MLLT1: variants seen among roughly 807,000 people sequenced by gnomAD.
MLLT1 encodes MLLT1 super elongation complex subunit.
A neutral mutation model predicts 55.1 loss-of-function variants in MLLT1; 11 were observed. That is an observed-to-expected ratio of 0.20 (90% CI 0.13 to 0.33). The LOEUF is 0.33. Ranked by LOEUF, MLLT1 falls within the 10% of genes least tolerant of loss-of-function variation. MLLT1 has a pLI of 1.00. For missense variants in MLLT1, 536 were observed against 760.6 expected (o/e 0.70, Z 3.47); for synonymous variants, 323 against 320.1 (o/e 1.01, Z -0.10).
At chr19:6,251,769 CAAA>C (rs11307954) in intron 3 of MLLT1, among the ~76,000 whole-genome samples, 9 of 141,944 alleles carry the variant, frequency 6.3e-5, no homozygotes, top group African/African-American at 2.6e-5. Flanking sequence ...TACCTCCCAC[CAAA>C]AAAAAAAAAA....
At chr19:6,245,698 G>A (rs903225027) in intron 3 of MLLT1, among the ~76,000 whole-genome samples, 2 of 151,490 alleles carry the variant, frequency 1.3e-5, no homozygotes, top group African/African-American at 2.4e-5. Context: ...GCGACAGAGC[G>A]AGACTCCGTC....
rs941739122 is a variant in MLLT1, at chr19:6,273,079, G to T, written c.13-2320C>A. Among the ~76,000 whole-genome samples, 1 of 152,184 alleles carries T rather than the reference G, an allele frequency of 6.6e-6. No homozygotes were observed. Among genetic ancestry groups the T allele is most frequent in the Non-Finnish European group, 1.5e-5 (1 of 68,030 alleles). ...GGACTCCCTAGGGACCAGGCACACT[G>T]CAGGGGGTGCCTGGGATCAGGCCGG... is the stretch of plus-strand genomic sequence containing the variant. On this transcript the variant is annotated intron_variant, in intron 1 of 11. Transcript: ENST00000252674. The surrounding 1 kb of genome is among the most constrained non-coding windows in gnomAD (Gnocchi z 4.3).
Position 6,248,473 on chromosome 19 carries a change from C to A in MLLT1, c.276+13755G>T, listed in dbSNP as rs536857691. On this transcript the variant is annotated intron_variant, in intron 3 of 11. Coordinates refer to ENST00000252674, the MANE Select transcript of MLLT1 (RefSeq NM_005934.4). ...ACCAGGAGATCAAGGTCAACCTCGG[C>A]TGTTAACCATGGATCATGTTAATAT... is the stretch of plus-strand genomic sequence containing the variant. Among the ~76,000 whole-genome samples the A allele has an allele frequency of 1.1e-3, 170 of 152,292 alleles. 1 individual carries two copies. Among genetic ancestry groups the A allele is most frequent in the African/African-American group, 4.0e-3 (167 of 41,550 alleles).
At chr19:6,261,435 G>A (rs770305465) in intron 3 of MLLT1, among the ~76,000 whole-genome samples, 19 of 152,134 alleles carry the variant, frequency 1.2e-4, no homozygotes, top group Non-Finnish European at 1.5e-4. Flanking sequence ...TACAAACCGG[G>A]GACTCAGTAA....
chr19:6,253,020 T>C (rs1258476977), intron 3 of MLLT1, among the ~76,000 whole-genome samples: 4 of 151,874 alleles, frequency 2.6e-5, no homozygotes, highest in East Asian at 3.9e-4. Context: ...TCCCAGCACT[T>C]TGGGAGACCG....
chr19:6,257,788 G>C (rs1341302540), intron 3 of MLLT1, among the ~76,000 whole-genome samples: 1 of 152,148 alleles, frequency 6.6e-6, no homozygotes, highest in Non-Finnish European at 1.5e-5. Flanking sequence ...CCAAAAGAGT[G>C]AGACTCCATC....
At position 6,227,852 on chromosome 19, in the gene MLLT1, C is replaced by T. The variant is rs958082365; in HGVS notation, c.421-750G>A. Among the ~76,000 whole-genome samples the T allele has an allele frequency of 3.3e-5, 5 of 152,110 alleles. No homozygotes were observed. The East Asian group carries it at 5.8e-4, about 18-fold the overall frequency. ...GCAAGGTCTTGAGATATCAACACTG[C>T]GAGTTAAGGAATGCCACCACCACAG... On this transcript the variant is annotated intron_variant, in intron 4 of 11. Coordinates refer to ENST00000252674, the MANE Select transcript of MLLT1 (RefSeq NM_005934.4). This position sits in a 1 kb window ranked among gnomAD's most constrained non-coding sequence, Gnocchi z 5.1.
chr19:6,267,355 C>T lies in MLLT1; in HGVS notation c.193+3224G>A, dbSNP rs139423350. 1.9e-3 allele frequency among the ~76,000 whole-genome samples: 288 copies of T among 150,858 alleles called. 4 individuals carry two copies. The highest frequency in any genetic ancestry group is 5.8e-3 in the African/African-American group (238 of 40,988). ...TTGACCTCAGGTGATCCACCCGTCTCGGCCTCCCAAAGTGCTGGCATGAAC... is the reference window on the plus strand; with the variant it reads ...TTGACCTCAGGTGATCCACCCGTCTTGGCCTCCCAAAGTGCTGGCATGAAC... On this transcript the variant is annotated intron_variant, in intron 2 of 11. Coordinates refer to ENST00000252674, the MANE Select transcript of MLLT1 (RefSeq NM_005934.4).
At chr19:6,243,916 C>T (rs1403150310) in intron 3 of MLLT1, among the ~76,000 whole-genome samples, 4 of 151,634 alleles carry the variant, frequency 2.6e-5, no homozygotes, top group Admixed American at 6.6e-5. Context: ...TGGTGGCGGG[C>T]GCCTGTAGTC....
chr19:6,228,731 C>T (rs2090977490), intron 4 of MLLT1, among the ~76,000 whole-genome samples: 1 of 152,162 alleles, frequency 6.6e-6, no homozygotes, highest in Admixed American at 6.5e-5. Context: ...AGAGGAGCCC[C>T]TGCCACCGAG....
chr19:6,246,492 G>A (rs2091170185), intron 3 of MLLT1, among the ~76,000 whole-genome samples: 1 of 152,170 alleles, frequency 6.6e-6, no homozygotes, highest in Admixed American at 6.5e-5. Flanking sequence ...ATGGCAACAT[G>A]GACAAATCTA....
chr19:6,212,952 C>G lies in MLLT1; in HGVS notation c.*90G>C. On this transcript the variant is annotated 3_prime_UTR_variant, in exon 12 of 12. Coordinates refer to ENST00000252674, the MANE Select transcript of MLLT1 (RefSeq NM_005934.4). Reference sequence around the variant, plus strand: ...CAGGGCTGTCGCTAAGGCAGTGCTGCGGGCAGGCGAGACGGGAGAGGAGGG... The same window carrying G: ...CAGGGCTGTCGCTAAGGCAGTGCTGGGGGCAGGCGAGACGGGAGAGGAGGG... 6.6e-7 allele frequency: 1 copy of G among 1,506,494 alleles called. No individual in the cohort carries two copies. The highest frequency in any genetic ancestry group is 9.0e-7 in the Non-Finnish European group (1 of 1,107,868). 93.3% of individuals were successfully genotyped at this position (1,506,494 alleles called of 1,614,324 possible). A position where few individuals can be genotyped will look rare whatever the true frequency, so the allele number is the denominator to read the frequency against.
chr19:6,236,257 G>A (rs1200300444), intron 3 of MLLT1, among the ~76,000 whole-genome samples: 1 of 152,178 alleles, frequency 6.6e-6, no homozygotes, highest in Non-Finnish European at 1.5e-5. Flanking sequence ...TCTGCAGAGC[G>A]CTGATGGTGA....
At chr19:6,214,600 G>A (rs1239302466) in intron 8 of MLLT1, among the ~76,000 whole-genome samples, 2 of 152,096 alleles carry the variant, frequency 1.3e-5, no homozygotes, top group African/African-American at 4.8e-5. Flanking sequence ...CTACCCTGGG[G>A]GGCAGGTCTT....
At chr19:6,225,885 A>G (rs4807064) in intron 5 of MLLT1, among the ~76,000 whole-genome samples, 45,250 of 152,208 alleles carry the variant, frequency 0.3, 7,947 homozygotes, top group African/African-American at 0.48. Context: ...GGACACTGCC[A>G]AGATCCCCAG....
chr19:6,230,500 GCA>G lies in MLLT1; in HGVS notation c.420+68_420+69del, dbSNP rs2090999132. On this transcript the variant is annotated intron_variant, in intron 4 of 11. Transcript: ENST00000252674. This position sits in a 1 kb window ranked among gnomAD's most constrained non-coding sequence, Gnocchi z 9.0. ...CCCCAGCACCGACACCTCTGGCTGG[GCA>G]CAGACGGCCGCAGCAAAGTAGCCTC... 1 of 1,581,210 alleles carries G rather than the reference GCA, an allele frequency of 6.3e-7. No homozygotes were observed. The highest frequency in any genetic ancestry group is 1.7e-5 in the Admixed American group (1 of 57,476).
At chr19:6,274,204 G>A (rs1173600361) in intron 1 of MLLT1, among the ~76,000 whole-genome samples, 9 of 152,258 alleles carry the variant, frequency 5.9e-5, no homozygotes, top group Admixed American at 4.6e-4. Flanking sequence ...CCCCGGAAGG[G>A]TGGAATAACA....
rs73920606 is a variant in MLLT1 at position 6,227,289 on chromosome 19, T to C, written c.421-187A>G. Among the ~76,000 whole-genome samples, 182 of 151,964 alleles carry C rather than the reference T, an allele frequency of 1.2e-3. No individual in the cohort carries two copies. The highest frequency in any genetic ancestry group is 4.2e-3 in the African/African-American group (172 of 41,422). The stretch of plus-strand genomic sequence containing the variant: ...GCTGAGCACGCAGAAGAAGCAGGCA[T>C]GGGTGGGGAGCGAAGAAAAGCCCAG... On this transcript the variant is annotated intron_variant, in intron 4 of 11. Coordinates refer to ENST00000252674, the MANE Select transcript of MLLT1 (RefSeq NM_005934.4). The surrounding 1 kb of genome is among the most constrained non-coding windows in gnomAD (Gnocchi z 5.1).
intron 3 of MLLT1, among the ~76,000 whole-genome samples, chr19:6,247,416 ATG>A (rs1245512684): frequency 6.6e-6 from 1 of 152,250 alleles, no homozygotes; most frequent in Non-Finnish European, 1.5e-5. Context: ...CCATGGGAAC[ATG>A]AAATGACAGG....
Sources: gnomAD v4.1 joint callset for allele counts (sites outside exome capture counted in the v4.1 genomes callset) on GRCh38, gnomAD v4.1.1 for gene constraint, Gnocchi (gnomAD v3.1) non-coding constraint, MANE v1.5 for transcripts, NCBI Gene and HGNC (gene_info 2026-07-23, HGNC 2026-07-21) for gene names.